POLR1A: variants seen among roughly 807,000 people sequenced by gnomAD.
The protein encoded by POLR1A is DNA-directed RNA polymerase I subunit RPA1.
POLR1A carries 84 observed loss-of-function variants against 205.3 expected under a neutral mutation model. The ratio of observed to expected loss-of-function variants is 0.41; its 90% CI spans 0.34 to 0.49. POLR1A has a LOEUF of 0.49. Among genes scored for constraint, POLR1A ranks in the 20% least tolerant of loss-of-function variants. The probability of loss-of-function intolerance (pLI) is 0.22; values close to 1 mark genes in which losing one functional copy is unlikely to be tolerated. For synonymous variants in POLR1A, 799 were observed against 863.7 expected (o/e 0.93, Z 1.31); for missense variants, 1,645 against 2,204.5 (o/e 0.75, Z 5.08).
chr2:86,030,547 G>A (rs1327186245), intron 30 of POLR1A, 151 bp from the exon 31 acceptor site: 17 of 627,980 alleles, frequency 2.7e-5, no homozygotes, highest in Non-Finnish European at 2.8e-6. Context: ...CTGAACATTG[G>A]AGATGGCTGA....
chr2:86,072,058 A>C (rs998311538), intron 12 of POLR1A, among the ~76,000 whole-genome samples: 2 of 152,244 alleles, frequency 1.3e-5, no homozygotes, highest in Admixed American at 1.3e-4. Flanking sequence ...GGCTAGAAGT[A>C]ATTAAGAGAT....
In POLR1A at chr2:86,053,995, T is replaced by C. The variant is rs1054170779; in HGVS notation, c.2208+145A>G. On this transcript the variant is annotated intron_variant, in intron 15 of 33. Transcript: ENST00000263857. ...CCCTGAACCCTTCCGAAACAAAAGC[T>C]GACAACAACTCAGGCACAACGCCTT... 6 of 736,230 alleles carry C rather than the reference T, an allele frequency of 8.1e-6. No homozygotes were observed. The African/African-American group carries it at 8.8e-5, about 11-fold the overall frequency. 45.6% of individuals were successfully genotyped at this position (736,230 alleles called of 1,614,324 possible).
Position 86,080,826 on chromosome 2 carries a change from G to C in POLR1A, c.1076C>G (p.Thr359Ser). 6.2e-7 allele frequency: 1 copy of C among 1,611,876 alleles called. No homozygotes were observed. The highest frequency in any genetic ancestry group is 8.5e-7 in the Non-Finnish European group (1 of 1,178,788). Residue 359 changes from threonine (T) to serine (S), a missense_variant, in exon 9 of 34, where the codon ACT becomes AGT. Thr to Ser is a moderately conservative substitution (Grantham distance 58). Around this residue, in one of 16 missense-constraint regions of POLR1A, gnomAD observed 78 missense variants for 77.7 expected, o/e 1.00. Transcript: ENST00000263857. ...QKLPEEVATPTTDEEKDSLIA... is the reference protein window; with the variant it reads ...QKLPEEVATPSTDEEKDSLIA... ...CAGAGCAGCCCTGACCTCATCTGTA[G>C]TGGGTGTGGCCACTTCCTCTGGCAA...
chr2:86,099,939 G>A (rs1310244225), intron 2 of POLR1A, 29 bp downstream of exon 2: 3 of 1,590,148 alleles, frequency 1.9e-6, no homozygotes, highest in Non-Finnish European at 2.6e-6. Flanking sequence ...CAGCAGCCCG[G>A]AGACCCACAC....
chr2:86,084,428 C>CACAAA (rs1311662668), intron 6 of POLR1A, among the ~76,000 whole-genome samples: 8 of 150,476 alleles, frequency 5.3e-5, no homozygotes, highest in South Asian at 4.2e-4. Context: ...AAAAAAAAAA[C>CACAAA]ACAAAACAAA....
Position 86,038,804 on chromosome 2 carries a change from G to T in POLR1A, c.3930C>A (p.Asn1310Lys). The change falls in exon 27 of 34, where the codon AAC becomes AAA. Residue 1310 changes from asparagine (N) to lysine (K), a missense_variant. Coordinates refer to ENST00000263857, the MANE Select transcript of POLR1A (RefSeq NM_015425.6). ...QESFCMEEKQ[N>K]KFQVYQLRFQ... is the part of the protein sequence containing the mutation. ...ACCGCAGCTGGTACACCTGGAATTT[G>T]TTCTGTTTTTCTTCCATACAGAAGG... 1 of 1,613,946 alleles carries T rather than the reference G, an allele frequency of 6.2e-7. No individual in the cohort carries two copies. Among genetic ancestry groups the T allele is most frequent in the Non-Finnish European group, 8.5e-7 (1 of 1,179,850 alleles).
rs1367585624 is a variant in POLR1A, at chr2:86,020,232, G to C, written c.*7191C>G. 6.6e-6 allele frequency: 1 copy of C among 152,164 alleles called. No homozygotes were observed. Among genetic ancestry groups the C allele is most frequent in the Admixed American group, 6.5e-5 (1 of 15,270 alleles). The allele number at this position is 152,164 out of a possible 1,614,324, so 9.4% of individuals were successfully genotyped here. On this transcript the variant is annotated 3_prime_UTR_variant, in exon 34 of 34. Transcript: ENST00000263857. ...CAATAAACATGTGAAAAGATGCTTA[G>C]ATTTATTAATAGAGAATTGCAAACT...
In POLR1A at chr2:86,043,036, C is replaced by G; in HGVS notation, c.3295G>C (p.Ala1099Pro). 6.2e-7 allele frequency: 1 copy of G among 1,614,190 alleles called. No individual in the cohort carries two copies. Among genetic ancestry groups the G allele is most frequent in the Non-Finnish European group, 8.5e-7 (1 of 1,180,022 alleles). ...FLSYSQKIQE[A>P]VKALKLESEN... The stretch of plus-strand genomic sequence containing the variant: ...CTCTCAAGTTTCAGGGCTTTCACAG[C>G]TTCCTGAATTTTCTGGGAATAACTC... The change falls in exon 23 of 34, where the codon GCT becomes CCT. Residue 1099 changes from alanine to proline, a missense_variant. Physicochemically the swap from Ala to Pro is conservative, Grantham distance 27. Transcript: ENST00000263857.
At position 86,024,315 on chromosome 2, in the gene POLR1A, C is replaced by A; in HGVS notation, c.*3108G>T. The A allele has an allele frequency of 5.8e-6, 1 of 173,338 alleles. No individual in the cohort carries two copies. Among genetic ancestry groups the A allele is most frequent in the Non-Finnish European group, 1.3e-5 (1 of 79,688 alleles). The allele number at this position is 173,338 out of a possible 1,614,324, so 10.7% of individuals were successfully genotyped here. On this transcript the variant is annotated 3_prime_UTR_variant, in exon 34 of 34. Coordinates refer to ENST00000263857, the MANE Select transcript of POLR1A (RefSeq NM_015425.6). ...ATGAGGGACCTAGAGAAGTCAAATT[C>A]GTAGAGACAGAACGTAGAACAGTGG...
At position 86,070,334 on chromosome 2, in the gene POLR1A, C is replaced by A; in HGVS notation, c.1612-62G>T. On this transcript the variant is annotated intron_variant, in intron 12 of 33. Transcript: ENST00000263857. The surrounding 1 kb of genome is among the most constrained non-coding windows in gnomAD (Gnocchi z 4.4). ...ACGTCAGTATCACCACGGCTCTTTC[C>A]AAGTGCTCACCTCAGCTTGACCAAG... 1 of 1,519,842 alleles carries A rather than the reference C, an allele frequency of 6.6e-7. No homozygotes were observed. The highest frequency in any genetic ancestry group is 8.9e-7 in the Non-Finnish European group (1 of 1,122,584). 94.1% of individuals were successfully genotyped at this position (1,519,842 alleles called of 1,614,324 possible).
chr2:86,081,747 T>C (rs1188632436), intron 7 of POLR1A, 41 bp from the exon 8 acceptor site: 1 of 1,198,828 alleles, frequency 8.3e-7, no homozygotes. Context: ...CATTTAAATC[T>C]ATCACTAAGG....
intron 3 of POLR1A, among the ~76,000 whole-genome samples, chr2:86,092,442 T>C (rs1673623670): frequency 1.3e-5 from 2 of 152,268 alleles, no homozygotes; most frequent in Non-Finnish European, 1.5e-5. Flanking sequence ...AACTAGTCCC[T>C]GTGAGGACAC....
At chr2:86,034,010 G>A (rs1412691288) in intron 27 of POLR1A, among the ~76,000 whole-genome samples, 6 of 152,168 alleles carry the variant, frequency 3.9e-5, no homozygotes, top group African/African-American at 1.4e-4. Flanking sequence ...GTCTCAATAG[G>A]TGCACTGCCA....
At chr2:86,030,132 G>A (rs1006043870) in intron 31 of POLR1A, 64 bp downstream of exon 31, 124 of 1,371,932 alleles carry the variant, frequency 9.0e-5, no homozygotes, top group Non-Finnish European at 1.2e-4. Context: ...CAGTGGCTGG[G>A]TCTTGAGACA....
At chr2:86,076,831 G>A (rs1279082809) in intron 11 of POLR1A, among the ~76,000 whole-genome samples, 1 of 152,226 alleles carries the variant, frequency 6.6e-6, no homozygotes, top group East Asian at 1.9e-4. Flanking sequence ...TCCAGAGAGG[G>A]CAACCAAAAG....
rs750337473 is a variant in POLR1A at position 86,030,267 on chromosome 2, T to G, written c.4708A>C (p.Asn1570His). 9.9e-6 allele frequency: 16 copies of G among 1,614,070 alleles called. No individual in the cohort carries two copies. The highest frequency in any genetic ancestry group is 1.4e-5 in the Non-Finnish European group (16 of 1,180,024). The change falls in exon 31 of 34, where the codon AAT becomes CAT. Residue 1570 changes from asparagine (N) to histidine (H), a missense_variant. Asn to His is a moderately conservative substitution (Grantham distance 68). This residue lies in a region of POLR1A where 394 missense variants were observed against 468.5 expected (regional missense o/e 0.84). Coordinates refer to ENST00000263857, the MANE Select transcript of POLR1A (RefSeq NM_015425.6). ...AGCACAAGCTCCTTCTCGTTCTTAT[T>G]GTTGGTTGTTTCATTCAGGAGGCAC... is the stretch of plus-strand genomic sequence containing the variant. The part of the protein sequence containing the change: ...TRCLLNETTN[N>H]KNEKELVLNT...
intron 3 of POLR1A, among the ~76,000 whole-genome samples, chr2:86,094,065 T>C: frequency 6.6e-6 from 1 of 152,246 alleles, no homozygotes; most frequent in East Asian, 1.9e-4. Context: ...GATGTTGTGT[T>C]CTTTCAACTG....
intron 7 of POLR1A, among the ~76,000 whole-genome samples, chr2:86,082,373 A>T (rs55903832): frequency 0.091 from 13,845 of 151,706 alleles, 862 homozygotes; most frequent in Non-Finnish European, 0.13. Context: ...GAATAAAAAA[A>T]TTTTTTTTTA....
Position 86,049,248 on chromosome 2 carries a change from A to G in POLR1A, c.2393-6T>C. On this transcript the variant is annotated splice_polypyrimidine_tract_variant and splice_region_variant and intron_variant, in intron 16 of 33. Coordinates refer to ENST00000263857, the MANE Select transcript of POLR1A (RefSeq NM_015425.6). ...CACCAAAATGTCTTCCACGCCTGTG[A>G]AGTGAAACAGACAAGCTTGTAGGCG... 5 of 1,610,552 alleles carry G rather than the reference A, an allele frequency of 3.1e-6. No homozygotes were observed. The highest frequency in any genetic ancestry group is 4.2e-6 in the Non-Finnish European group (5 of 1,176,812).
Sources: allele counts gnomAD v4.1 joint callset (sites outside exome capture counted in the v4.1 genomes callset), GRCh38; gene constraint gnomAD v4.1.1; regional missense constraint gnomAD v4.1.1; non-coding constraint Gnocchi (gnomAD v3.1); transcripts MANE v1.5; gene names NCBI Gene and HGNC (gene_info 2026-07-23, HGNC 2026-07-21).